The following RAI1 variants were observed in gnomAD, a reference collection of about 807,000 sequenced individuals.
The protein encoded by RAI1 is retinoic acid induced 1, also known as retinoic acid-induced protein 1.
A neutral mutation model predicts 123.8 loss-of-function variants in RAI1; 9 were observed. The observed-to-expected ratio is 0.07, with a 90% CI of 0.04 to 0.13. The LOEUF is 0.13. RAI1 is among the 10% of genes least tolerant of loss of function. The pLI is 1.00. For missense variants in RAI1, 2,256 were observed against 2,545.8 expected, an observed-to-expected ratio of 0.89 and a Z score of 2.45; for synonymous variants, 1,231 against 1,127.3, an observed-to-expected ratio of 1.09 and a Z score of -1.84.
chr17:17,704,495 G>T (rs1915330249), intron 1 of RAI1, among the ~76,000 whole-genome samples: 1 of 152,164 alleles, frequency 6.6e-6, no homozygotes, highest in Admixed American at 6.5e-5. Context: ...AGCCTCCCCA[G>T]GCACCCGTGC....
At chr17:17,772,192 A>G (rs892178132) in intron 2 of RAI1, among the ~76,000 whole-genome samples, 1 of 152,186 alleles carries the variant, frequency 6.6e-6, no homozygotes. Context: ...GCTTAGGACC[A>G]TGGACTTTGG....
In RAI1 at chr17:17,722,356, C is replaced by T. The variant is rs143515754; in HGVS notation, c.-148-1672C>T. On this transcript the variant is annotated intron_variant, in intron 1 of 5. Transcript: ENST00000353383. Reference sequence around the variant, plus strand: ...AGCGCTCAATCACAGCCCCGGGGCTCGGCGCCCGCCAGCTGCACTCAGAAC... The same window carrying T: ...AGCGCTCAATCACAGCCCCGGGGCTTGGCGCCCGCCAGCTGCACTCAGAAC... 1.8e-4 allele frequency among the ~76,000 whole-genome samples: 27 copies of T among 152,272 alleles called. No individual in the cohort carries two copies. The East Asian group carries it at 4.8e-3, about 27-fold the overall frequency.
chr17:17,731,620 A>C (rs1340002710), intron 2 of RAI1, among the ~76,000 whole-genome samples: 2 of 152,314 alleles, frequency 1.3e-5, no homozygotes, highest in African/African-American at 4.8e-5. Context: ...AGAGGATCAG[A>C]AGAGGACCCA....
At chr17:17,701,506 G>T (rs1915223331) in intron 1 of RAI1, among the ~76,000 whole-genome samples, 1 of 152,100 alleles carries the variant, frequency 6.6e-6, no homozygotes, top group Non-Finnish European at 1.5e-5. Flanking sequence ...GAAGGAAAAC[G>T]GAAGAGGGAA....
intron 1 of RAI1, among the ~76,000 whole-genome samples, chr17:17,689,915 C>T (rs1266639532): frequency 6.6e-6 from 1 of 152,162 alleles, no homozygotes; most frequent in Non-Finnish European, 1.5e-5. Context: ...TGACGGTTGG[C>T]ATCCAGAAAG....
chr17:17,710,096 T>C (rs1471881801), intron 1 of RAI1, among the ~76,000 whole-genome samples: 2 of 152,210 alleles, frequency 1.3e-5, no homozygotes, highest in East Asian at 3.8e-4. Flanking sequence ...ATGTCAGGAT[T>C]CTGAAGACCT....
intron 2 of RAI1, among the ~76,000 whole-genome samples, chr17:17,781,950 C>G (rs975554383): frequency 2.0e-5 from 3 of 152,158 alleles, no homozygotes; most frequent in Admixed American, 1.3e-4. Context: ...CTCGGGGCCC[C>G]GGGCCGGCCG....
At chr17:17,788,856 T>A (rs956474736) in intron 2 of RAI1, among the ~76,000 whole-genome samples, 1 of 152,132 alleles carries the variant, frequency 6.6e-6, no homozygotes, top group Non-Finnish European at 1.5e-5. Flanking sequence ...TGTGCCCATT[T>A]CGCTGACTGG....
In RAI1 at chr17:17,796,136, T is replaced by C; in HGVS notation, c.3188T>C (p.Leu1063Pro). The C allele has an allele frequency of 1.3e-6, 2 of 1,578,700 alleles. No individual in the cohort carries two copies. Among genetic ancestry groups the C allele is most frequent in the East Asian group, 4.6e-5 (2 of 43,444 alleles). ...ATGTGTACTCGTTCTCTCACGGCCC[T>C]GAGTGAGCCCCGCACGCCCGGACCC... ...PRMCTRSLTA[L>P]SEPRTPGPPG... Residue 1063 changes from leucine to proline, a missense_variant, in exon 3 of 6, where the codon CTG becomes CCG. Leu to Pro is a moderately conservative substitution (Grantham distance 98). Transcript: ENST00000353383. This position sits in a 1 kb window ranked among gnomAD's most constrained non-coding sequence, Gnocchi z 5.8.
At chr17:17,804,503 C>T (rs748721358) in intron 4 of RAI1, among the ~76,000 whole-genome samples, 6 of 152,202 alleles carry the variant, frequency 3.9e-5, no homozygotes, top group Admixed American at 6.5e-5. Context: ...TTACCTTTAT[C>T]GACCAGGTGG....
rs986971379 is a variant in RAI1, at chr17:17,733,595, C to T, written c.-17+9436C>T. Among the ~76,000 whole-genome samples, 9 of 152,264 alleles carry T rather than the reference C, an allele frequency of 5.9e-5. No homozygotes were observed. In the South Asian group the frequency reaches 8.3e-4, roughly 14 times the overall value. On this transcript the variant is annotated intron_variant, in intron 2 of 5. Coordinates refer to ENST00000353383, the MANE Select transcript of RAI1 (RefSeq NM_030665.4). ...TGGATCTCAGGGAAGTGACATGGCA[C>T]GCCCCAGGTCCCAGTAAGGGCAGGA...
intron 2 of RAI1, among the ~76,000 whole-genome samples, chr17:17,736,170 C>T (rs2142959238): frequency 6.6e-6 from 1 of 152,236 alleles, no homozygotes; most frequent in East Asian, 1.9e-4. Flanking sequence ...AGTATGTGCA[C>T]TTGGGCCAGT....
intron 2 of RAI1, among the ~76,000 whole-genome samples, chr17:17,780,335 G>A (rs1303345948): frequency 1.3e-5 from 2 of 152,152 alleles, no homozygotes; most frequent in Non-Finnish European, 2.9e-5. Flanking sequence ...CAAAGTGCTA[G>A]GATTACAGGC....
chr17:17,797,320 C>T lies in RAI1; in HGVS notation c.4372C>T (p.Leu1458Phe), dbSNP rs1218167996. Residue 1458 changes from leucine to phenylalanine, a missense_variant, in exon 3 of 6, where the codon CTC becomes TTC. Leu to Phe is a conservative substitution (Grantham distance 22, BLOSUM62 0). This residue lies in a region of RAI1 where 410 missense variants were observed against 374.6 expected (regional missense o/e 1.09). Transcript: ENST00000353383. ...SRKGRAGAHG[L>F]SKGPLEKRPY... Reference sequence around the variant, plus strand: ...GAAAGGCCGGGCAGGGGCCCATGGACTCTCCAAAGGCCCGCTGGAGAAGCG... The same window carrying T: ...GAAAGGCCGGGCAGGGGCCCATGGATTCTCCAAAGGCCCGCTGGAGAAGCG... 78 of 1,612,502 alleles carry T rather than the reference C, an allele frequency of 4.8e-5. No individual in the cohort carries two copies. Among genetic ancestry groups the T allele is most frequent in the Non-Finnish European group, 6.6e-5 (78 of 1,179,858 alleles).
Position 17,800,180 on chromosome 17 carries a change from G to GTCTCTCTCTGTCTCTCTCTCTCTCTCTC in RAI1, c.5565+1676_5565+1677insGTCTCTCTCTCTCTCTCTCTCTCTCTCT, listed in dbSNP as rs1555566532. ...TCTCTCCTGCTTTCTGTCTCTCTCTGTCTCTCTCTCTCTCTCTCTCTCTCT... is the reference window on the plus strand; with the variant it reads ...TCTCTCCTGCTTTCTGTCTCTCTCTGTCTCTCTCTGTCTCTCTCTCTCTCTCTCTCTCTCTCTCTCTCTCTCTCTCTCT... On this transcript the variant is annotated intron_variant, in intron 3 of 5. Coordinates refer to ENST00000353383, the MANE Select transcript of RAI1 (RefSeq NM_030665.4). This position sits in a 1 kb window ranked among gnomAD's most constrained non-coding sequence, Gnocchi z 4.7. Among the ~76,000 whole-genome samples the GTCTCTCTCTGTCTCTCTCTCTCTCTCTC allele has an allele frequency of 2.4e-4, 28 of 116,374 alleles. No individual in the cohort carries two copies. Among genetic ancestry groups the GTCTCTCTCTGTCTCTCTCTCTCTCTCTC allele is most frequent in the Non-Finnish European group, 3.3e-4 (17 of 51,128 alleles). The allele number at this position is 116,374 out of a possible 152,430, so 76.3% of individuals were successfully genotyped here.
At chr17:17,737,680 G>A (rs930381720) in intron 2 of RAI1, among the ~76,000 whole-genome samples, 2 of 152,162 alleles carry the variant, frequency 1.3e-5, no homozygotes, top group African/African-American at 4.8e-5. Context: ...CTACCATGGG[G>A]ATACCTGAGG....
chr17:17,780,792 C>T (rs1480174262), intron 2 of RAI1, among the ~76,000 whole-genome samples: 2 of 152,224 alleles, frequency 1.3e-5, no homozygotes, highest in Non-Finnish European at 2.9e-5. Context: ...TGCCCAGTGT[C>T]TAGCTGGCTG....
At chr17:17,716,707 GTGTGTCTGGCCCACA>G (rs60274766) in intron 1 of RAI1, among the ~76,000 whole-genome samples, 94,185 of 151,862 alleles carry the variant, frequency 0.62, 30,282 homozygotes, top group African/African-American at 0.78. Context: ...GTGTCTACGT[GTGTGTCTGGCCCACA>G]TGTGTCTGGC....
chr17:17,802,505 G>A (rs991217571), intron 3 of RAI1, among the ~76,000 whole-genome samples: 6 of 152,046 alleles, frequency 3.9e-5, no homozygotes, highest in South Asian at 2.1e-4. Flanking sequence ...GGCCAGGCGC[G>A]GTGGCTCACG....
Sources: allele counts gnomAD v4.1 joint callset (sites outside exome capture counted in the v4.1 genomes callset), GRCh38; gene constraint gnomAD v4.1.1; regional missense constraint gnomAD v4.1.1; non-coding constraint Gnocchi (gnomAD v3.1); transcripts MANE v1.5; gene names NCBI Gene and HGNC (gene_info 2026-07-23, HGNC 2026-07-21).